ELP4: variants seen among roughly 807,000 people sequenced by gnomAD.
ELP4 encodes elongator acetyltransferase complex subunit 4, also known as elongator complex protein 4.
Under a neutral mutation model 48.9 loss-of-function variants are expected in ELP4, and 51 were observed. The ratio of observed to expected loss-of-function variants is 1.04; its 90% CI spans 0.83 to 1.32. ELP4 has a LOEUF of 1.32. Among genes scored for constraint, ELP4 ranks in the 40% most tolerant of loss-of-function variants. The probability of loss-of-function intolerance (pLI) is 0.00; values close to 1 mark genes in which losing one functional copy is unlikely to be tolerated. For synonymous variants in ELP4, 210 were observed against 189.2 expected (o/e 1.11, Z -0.90); for missense variants, 519 against 514.6 (o/e 1.01, Z -0.08).
At chr11:31,526,235 A>G (rs1956292152) in intron 2 of ELP4, among the ~76,000 whole-genome samples, 1 of 152,098 alleles carries the variant, frequency 6.6e-6, no homozygotes, top group Non-Finnish European at 1.5e-5. Flanking sequence ...GAGATTCACA[A>G]TCAAATTTCT....
At chr11:31,721,428 T>G (rs1331141072) in intron 9 of ELP4, among the ~76,000 whole-genome samples, 3 of 152,172 alleles carry the variant, frequency 2.0e-5, no homozygotes, top group Non-Finnish European at 4.4e-5. Context: ...ACAAATAACA[T>G]TAGTACTGTA....
At chr11:31,783,138 T>A (rs922115840) in intron 9 of ELP4, among the ~76,000 whole-genome samples, 2 of 152,228 alleles carry the variant, frequency 1.3e-5, no homozygotes, top group African/African-American at 4.8e-5. Flanking sequence ...ACATTTTGGT[T>A]TGGACACTGA....
At chr11:31,611,328 A>T (rs1366382983) in intron 5 of ELP4, among the ~76,000 whole-genome samples, 1 of 152,228 alleles carries the variant, frequency 6.6e-6, no homozygotes, top group Admixed American at 6.5e-5. Context: ...TAATTTAAGT[A>T]GCCATATATA....
chr11:31,712,149 C>CA (rs1252552686), intron 9 of ELP4, among the ~76,000 whole-genome samples: 1 of 151,846 alleles, frequency 6.6e-6, no homozygotes, highest in African/African-American at 2.4e-5. Flanking sequence ...AATTAGAATG[C>CA]ATTATTTCCT....
At chr11:31,705,661 G>T (rs538103162) in intron 9 of ELP4, among the ~76,000 whole-genome samples, 1 of 152,174 alleles carries the variant, frequency 6.6e-6, no homozygotes, top group African/African-American at 2.4e-5. Flanking sequence ...TAATGGTTAT[G>T]TCTTAGTTCT....
intron 5 of ELP4, among the ~76,000 whole-genome samples, chr11:31,610,082 T>C (rs1474228346): frequency 6.6e-6 from 1 of 152,018 alleles, no homozygotes; most frequent in African/African-American, 2.4e-5. Context: ...AAGAAAGAAA[T>C]TCTATAGAAC....
At chr11:31,753,689 T>A (rs1054281144) in intron 9 of ELP4, among the ~76,000 whole-genome samples, 1 of 152,162 alleles carries the variant, frequency 6.6e-6, no homozygotes, top group Non-Finnish European at 1.5e-5. Context: ...AAAAGAATGT[T>A]GAATATAGCA....
At chr11:31,699,665 C>T (rs1176403752) in intron 9 of ELP4, among the ~76,000 whole-genome samples, 2 of 152,040 alleles carry the variant, frequency 1.3e-5, no homozygotes, top group Non-Finnish European at 2.9e-5. Flanking sequence ...CAGAATATCT[C>T]CCTTATGCAC....
chr11:31,616,266 C>T (rs1944481089), intron 5 of ELP4, among the ~76,000 whole-genome samples: 1 of 151,604 alleles, frequency 6.6e-6, no homozygotes, highest in African/African-American at 2.4e-5. Flanking sequence ...AATAGATAGC[C>T]CAAAAATAAA....
Position 31,786,243 on chromosome 11 carries a change from G to T in ELP4, c.*2719G>T. ...CTTTTAACAAATCAGACACACATAG[G>T]CATACAAAAGGAGAGTGGGGGGACC... On this transcript the variant is annotated 3_prime_UTR_variant, in exon 10 of 10. Transcript: ENST00000640961. The T allele has an allele frequency of 4.8e-6, 1 of 208,806 alleles. No homozygotes were observed. The allele number at this position is 208,806 out of a possible 1,614,324, so 12.9% of individuals were successfully genotyped here.
At chr11:31,653,397 C>G (rs1483000646) in intron 9 of ELP4, 1 of 151,738 alleles carries the variant, frequency 6.6e-6, no homozygotes, top group Admixed American at 6.6e-5. Context: ...ATTCCTTGAT[C>G]TTAACCAGAT....
At chr11:31,547,882 A>C (rs932857202) in intron 3 of ELP4, among the ~76,000 whole-genome samples, 1 of 152,204 alleles carries the variant, frequency 6.6e-6, no homozygotes, top group African/African-American at 2.4e-5. Context: ...CCAAAGACAA[A>C]AACCACATGA....
At chr11:31,547,871 A>G (rs925493646) in intron 3 of ELP4, among the ~76,000 whole-genome samples, 2 of 152,188 alleles carry the variant, frequency 1.3e-5, no homozygotes, top group Non-Finnish European at 2.9e-5. Flanking sequence ...TATAAACAGA[A>G]CCAAAGACAA....
intron 9 of ELP4, among the ~76,000 whole-genome samples, chr11:31,705,278 C>G (rs1187240303): frequency 6.6e-6 from 1 of 152,074 alleles, no homozygotes; most frequent in African/African-American, 2.4e-5. Flanking sequence ...CAGCTCAGGT[C>G]TCTCTTCCTC....
chr11:31,598,276 T>G (rs938321149), intron 4 of ELP4, among the ~76,000 whole-genome samples: 1 of 152,006 alleles, frequency 6.6e-6, no homozygotes, highest in African/African-American at 2.4e-5. Context: ...TATTGCTTAT[T>G]ATGAAAGCTA....
At chr11:31,712,364 A>T (rs1253441109) in intron 9 of ELP4, among the ~76,000 whole-genome samples, 1 of 152,132 alleles carries the variant, frequency 6.6e-6, no homozygotes, top group Non-Finnish European at 1.5e-5. Context: ...TATTCTTAAT[A>T]AGGCAAAGTT....
chr11:31,636,343 A>T (rs1214412271), intron 7 of ELP4, among the ~76,000 whole-genome samples: 2 of 152,038 alleles, frequency 1.3e-5, no homozygotes. Flanking sequence ...GTATGTATAG[A>T]TAATAAAATT....
intron 5 of ELP4, among the ~76,000 whole-genome samples, chr11:31,608,120 C>G (rs1280929166): frequency 6.6e-6 from 1 of 151,612 alleles, no homozygotes; most frequent in African/African-American, 2.4e-5. Context: ...ACGGAGGGCC[C>G]CTTGGGAGGA....
In ELP4 at chr11:31,736,207, G is replaced by C. The variant is rs192118664; in HGVS notation, c.1144-47186G>C. ...ACTATCTGATCTTTGACAAACCTGA[G>C]AAAAACAAAGAATGGGGAAAGGATT... On this transcript the variant is annotated intron_variant, in intron 9 of 9. Coordinates refer to ENST00000640961, the MANE Select transcript of ELP4 (RefSeq NM_019040.5). Among the ~76,000 whole-genome samples the C allele has an allele frequency of 2.0e-5, 3 of 152,068 alleles. No homozygotes were observed. In the East Asian group the frequency reaches 5.8e-4, roughly 29 times the overall value.
Sources: gnomAD v4.1 joint callset for allele counts (sites outside exome capture counted in the v4.1 genomes callset) on GRCh38, gnomAD v4.1.1 for gene constraint, MANE v1.5 for transcripts, NCBI Gene and HGNC (gene_info 2026-07-23, HGNC 2026-07-21) for gene names.